PPP2R3B: variants seen among roughly 807,000 people sequenced by gnomAD.
PPP2R3B encodes the protein protein phosphatase 2 regulatory subunit B''beta, also known as serine/threonine-protein phosphatase 2A regulatory subunit B'' subunit beta.
A neutral mutation model predicts 72.9 loss-of-function variants in PPP2R3B; 68 were observed. The ratio of observed to expected loss-of-function variants is 0.93; its 90% CI spans 0.77 to 1.14. The LOEUF is 1.14. PPP2R3B is among the 50% of genes most tolerant of loss of function. PPP2R3B has a pLI of 0.00. For synonymous variants in PPP2R3B, 466 were observed against 375.8 expected, an observed-to-expected ratio of 1.24 and a Z score of -2.78; for missense variants, 1,018 against 842.0, an observed-to-expected ratio of 1.21 and a Z score of -2.59.
At chrX:344,604 T>G (rs1358132503) in intron 7 of PPP2R3B, among the ~76,000 whole-genome samples, 2 of 152,188 alleles carry the variant, frequency 1.3e-5, no homozygotes, top group Admixed American at 1.3e-4. Context: ...GAGCGCCTGG[T>G]TCTGGGCCGA....
intron 1 of PPP2R3B, among the ~76,000 whole-genome samples, chrX:371,663 G>A (rs2071868067): frequency 1.3e-5 from 2 of 152,104 alleles, no homozygotes; most frequent in African/African-American, 2.4e-5. Flanking sequence ...TCCGAAGGCG[G>A]AGGTGCGGCA....
chrX:375,816 A>AGGTGACACGCCCTGTCCTGCCACGCTG (rs2071979663), intron 1 of PPP2R3B, among the ~76,000 whole-genome samples: 2 of 151,430 alleles, frequency 1.3e-5, no homozygotes, highest in African/African-American at 4.9e-5. Context: ...CTGCCACGCC[A>AGGTGACACGCCCTGTCCTGCCACGCTG]GGTGACACAC....
intron 1 of PPP2R3B, among the ~76,000 whole-genome samples, chrX:384,693 A>G (rs1335520952): frequency 6.6e-6 from 1 of 152,080 alleles, no homozygotes. Context: ...CTGGGAAAAG[A>G]CTGATTCCAG....
chrX:338,408 C>T (rs547308166), intron 12 of PPP2R3B, 196 bp downstream of exon 12: 39 of 634,830 alleles, frequency 6.1e-5, no homozygotes, highest in South Asian at 2.9e-4. Context: ...CACCGAGGCC[C>T]GGCCCTGTCA....
At chrX:347,447 C>T in intron 3 of PPP2R3B, 111 bp from the exon 4 acceptor site, 2 of 1,351,526 alleles carry the variant, frequency 1.5e-6, no homozygotes, top group South Asian at 2.3e-5. Flanking sequence ...GGCAGGTGGC[C>T]ACACACGACG....
intron 7 of PPP2R3B, chrX:342,137 G>A: frequency 1.6e-6 from 1 of 641,306 alleles, no homozygotes; most frequent in South Asian, 1.8e-5. Context: ...AGTCCAGCAT[G>A]AAATCCACAG....
chrX:342,472 GCAACGGGAGGCGGGAGGGAGACCTCGC>G (rs2071106006), intron 7 of PPP2R3B, among the ~76,000 whole-genome samples: 23 of 92,576 alleles, frequency 2.5e-4, no homozygotes, highest in Non-Finnish European at 4.0e-4. Context: ...GGAGACCTCA[GCAACGGGAGGCGGGAGGGAGACCTCGC>G]CAACGGGAGG....
rs779976720 is a variant in PPP2R3B, at chrX:353,068, G to A, written c.511-5375C>T. Among the ~76,000 whole-genome samples, 3 of 151,930 alleles carry A rather than the reference G, an allele frequency of 2.0e-5. No individual in the cohort carries two copies. The East Asian group carries it at 5.8e-4, about 30-fold the overall frequency. On this transcript the variant is annotated intron_variant, in intron 2 of 12. Coordinates refer to ENST00000390665, the MANE Select transcript of PPP2R3B (RefSeq NM_013239.5). ...GTAATCCTGAGTTCTTGTGAGATCC[G>A]ATGGTCTAAAAGTGGGTGGCAGTGG...
chrX:334,816 G>A (rs1039268322), intron 12 of PPP2R3B: 6 of 354,230 alleles, frequency 1.7e-5, no homozygotes, highest in African/African-American at 6.4e-5. Flanking sequence ...AAAGCGAGCT[G>A]CACGGGACCT....
At chrX:367,221 C>T (rs763573165) in intron 1 of PPP2R3B, among the ~76,000 whole-genome samples, 9 of 151,978 alleles carry the variant, frequency 5.9e-5, no homozygotes, top group Admixed American at 2.0e-4. Context: ...GGGAAAACCT[C>T]GGCAGCTGAC....
chrX:366,842 G>A (rs1181533289), intron 1 of PPP2R3B, among the ~76,000 whole-genome samples: 5 of 142,350 alleles, frequency 3.5e-5, no homozygotes, highest in African/African-American at 1.1e-4. Context: ...CAGCCTGGGC[G>A]ACAGAGTGAG....
chrX:368,407 C>T (rs112138941), intron 1 of PPP2R3B, among the ~76,000 whole-genome samples: 5 of 60,038 alleles, frequency 8.3e-5, no homozygotes, highest in African/African-American at 1.7e-4. Context: ...CCTTGGGCAC[C>T]GACACGGGGA....
Position 386,718 on chromosome X carries a change from C to G in PPP2R3B, c.-27G>C, listed in dbSNP as rs749857828. 13 of 1,223,110 alleles carry G rather than the reference C, an allele frequency of 1.1e-5. No individual in the cohort carries two copies. The East Asian group carries it at 3.9e-4, about 36-fold the overall frequency. 75.8% of individuals were successfully genotyped at this position (1,223,110 alleles called of 1,614,324 possible). A position where few individuals can be genotyped will look rare whatever the true frequency, so the allele number is the denominator to read the frequency against. On this transcript the variant is annotated 5_prime_UTR_variant, in exon 1 of 13. Coordinates refer to ENST00000390665, the MANE Select transcript of PPP2R3B (RefSeq NM_013239.5). ...GCGGGGGCTGGGCCCGCGGCGCCCC[C>G]GGACGCCCGCGCCCCGCCCCGCCCC...
Position 347,671 on chromosome X carries a change from C to A in PPP2R3B, c.533G>T (p.Trp178Leu). The change falls in exon 3 of 13, where the codon TGG (tryptophan) becomes TTG (leucine). Residue 178 changes from tryptophan (W) to leucine (L), a missense_variant. Trp to Leu is a moderately conservative substitution (Grantham distance 61). Transcript: ENST00000390665. ...VAKACGCPLY[W>L]KGPLFYGAGG... Reference sequence around the variant, plus strand: ...GGCGCCATAGAAGAGCGGCCCCTTCCAGTAGAGGGGGCAGCCGCAGGCCTG... The same window carrying A: ...GGCGCCATAGAAGAGCGGCCCCTTCAAGTAGAGGGGGCAGCCGCAGGCCTG... The A allele has an allele frequency of 6.4e-7, 1 of 1,552,098 alleles. No individual in the cohort carries two copies. Among genetic ancestry groups the A allele is most frequent in the Non-Finnish European group, 8.7e-7 (1 of 1,150,422 alleles).
intron 1 of PPP2R3B, among the ~76,000 whole-genome samples, chrX:381,199 G>A (rs1429129217): frequency 6.6e-6 from 1 of 152,126 alleles, no homozygotes; most frequent in Non-Finnish European, 1.5e-5. Context: ...AAAGTGCTGG[G>A]ATTGAGCCAC....
At chrX:337,391 A>G (rs1165728260) in intron 12 of PPP2R3B, 1 of 152,186 alleles carries the variant, frequency 6.6e-6, no homozygotes, top group African/African-American at 2.4e-5. Flanking sequence ...GAAGGAGCCT[A>G]TTCTTATGTG....
intron 2 of PPP2R3B, among the ~76,000 whole-genome samples, chrX:355,577 C>T (rs1042573823): frequency 1.4e-4 from 22 of 152,186 alleles, no homozygotes; most frequent in Non-Finnish European, 2.8e-4. Flanking sequence ...GAACTGCACG[C>T]GCACACGGAA....
At chrX:369,503 C>T (rs927538117) in intron 1 of PPP2R3B, among the ~76,000 whole-genome samples, 6 of 152,178 alleles carry the variant, frequency 3.9e-5, no homozygotes, top group Admixed American at 6.5e-5. Context: ...TTGCAAAACA[C>T]GTCCATATAC....
chrX:351,085 C>T (rs769928305), intron 2 of PPP2R3B, among the ~76,000 whole-genome samples: 5 of 152,282 alleles, frequency 3.3e-5, no homozygotes, highest in East Asian at 1.9e-4. Flanking sequence ...GGAAAGGACG[C>T]GCTCCGGCTG....
Sources: gnomAD v4.1 joint callset for allele counts (sites outside exome capture counted in the v4.1 genomes callset) on GRCh38, gnomAD v4.1.1 for gene constraint, MANE v1.5 for transcripts, NCBI Gene and HGNC (gene_info 2026-07-23, HGNC 2026-07-21) for gene names.